Variants in SLC35F5 observed in about 807,000 individuals in gnomAD.
SLC35F5 encodes the protein solute carrier family 35 member F5.
SLC35F5 carries 54 observed loss-of-function variants against 68.6 expected under a neutral mutation model. The ratio of observed to expected loss-of-function variants is 0.79; its 90% CI spans 0.63 to 0.99. The LOEUF is 0.99. Among genes scored for constraint, SLC35F5 ranks in the 50% least tolerant of loss-of-function variants. The pLI is 0.00. For synonymous variants in SLC35F5, 211 were observed against 205.2 expected (o/e 1.03, Z -0.24); for missense variants, 567 against 626.9 (o/e 0.90, Z 1.02).
In SLC35F5 at chr2:113,710,142, G is replaced by A. The variant is rs144302335; in HGVS notation, c.*5076C>T. On this transcript the variant is annotated 3_prime_UTR_variant, in exon 16 of 16. Coordinates refer to ENST00000245680, the MANE Select transcript of SLC35F5 (RefSeq NM_025181.5). ...TCTTCCAATAATGTGTATTCAACAA[G>A]GCCTTCAGGTGATGCTGATGCTGTC... 2.9e-3 allele frequency among the ~76,000 whole-genome samples: 439 copies of A among 152,242 alleles called. 5 individuals carry two copies. Among genetic ancestry groups the A allele is most frequent in the African/African-American group, 9.9e-3 (411 of 41,526 alleles).
At chr2:113,735,697 ATGT>A (rs58642878) in intron 8 of SLC35F5, 77 bp downstream of exon 8, 383 of 872,564 alleles carry the variant, frequency 4.4e-4, no homozygotes, top group African/African-American at 3.9e-3. Context: ...CAAGATAAAA[ATGT>A]TGTACATGTA....
rs74726979 is a variant in SLC35F5 at position 113,724,420 on chromosome 2, T to C, written c.1250+958A>G. 3.3e-5 allele frequency among the ~76,000 whole-genome samples: 5 copies of C among 152,338 alleles called. No homozygotes were observed. The East Asian group carries it at 9.6e-4, about 29-fold the overall frequency. On this transcript the variant is annotated intron_variant, in intron 12 of 15. Coordinates refer to ENST00000245680, the MANE Select transcript of SLC35F5 (RefSeq NM_025181.5). ...AAAAAATTAATGAGCAAATGGATTA[T>C]GATTTTAAAGAATTTTAGATCAGCA...
chr2:113,709,524 C>T lies in SLC35F5; in HGVS notation c.*5694G>A, dbSNP rs1182411672. On this transcript the variant is annotated 3_prime_UTR_variant, in exon 16 of 16. Coordinates refer to ENST00000245680, the MANE Select transcript of SLC35F5 (RefSeq NM_025181.5). The stretch of plus-strand genomic sequence containing the variant: ...GGTATTTCAATTAGAGTTTCTCATT[C>T]TCACAGTCTCAGGCAGGTTGCATTA... 6.6e-6 allele frequency among the ~76,000 whole-genome samples: 1 copy of T among 152,194 alleles called. No homozygotes were observed. Among genetic ancestry groups the T allele is most frequent in the African/African-American group, 2.4e-5 (1 of 41,442 alleles).
rs372557303 is a variant in SLC35F5, at chr2:113,710,769, CA to C, written c.*4448del. On this transcript the variant is annotated 3_prime_UTR_variant, in exon 16 of 16. Coordinates refer to ENST00000245680, the MANE Select transcript of SLC35F5 (RefSeq NM_025181.5). ...TGGGTGACAGAGTGAGACCCCATCT[CA>C]AAAAAAAAAAAAGAATTTCATCTCA... Among the ~76,000 whole-genome samples the C allele has an allele frequency of 0.12, 15,690 of 133,280 alleles. 865 individuals are homozygous for C. The highest frequency in any genetic ancestry group is 0.14 in the Non-Finnish European group (8,739 of 61,256). 87.4% of individuals were successfully genotyped at this position (133,280 alleles called of 152,430 possible). A position where few individuals can be genotyped will look rare whatever the true frequency, so the allele number is the denominator to read the frequency against.
rs1166265295 is a variant in SLC35F5 at position 113,709,297 on chromosome 2, CTT to C, written c.*5919_*5920del. Among the ~76,000 whole-genome samples, 1 of 152,222 alleles carries C rather than the reference CTT, an allele frequency of 6.6e-6. No homozygotes were observed. The highest frequency in any genetic ancestry group is 1.5e-5 in the Non-Finnish European group (1 of 68,052). On this transcript the variant is annotated 3_prime_UTR_variant, in exon 16 of 16. Transcript: ENST00000245680. ...ATGTGGTGTCACTGTTATTACCACT[CTT>C]TACAAAGCACTAAGCACACACAGGT...
chr2:113,725,058 T>A (rs1184566684), intron 12 of SLC35F5, among the ~76,000 whole-genome samples: 1 of 152,230 alleles, frequency 6.6e-6, no homozygotes, highest in Non-Finnish European at 1.5e-5. Context: ...TATGTTTGGA[T>A]ATCCATTAGA....
chr2:113,711,371 TA>T lies in SLC35F5; in HGVS notation c.*3846del, dbSNP rs1416281030. ...AATTTTGTAGGAAAACACTATTTTT[TA>T]AATGTAGTAACATTAAAATATTAAA... On this transcript the variant is annotated 3_prime_UTR_variant, in exon 16 of 16. Transcript: ENST00000245680. 6.6e-6 allele frequency among the ~76,000 whole-genome samples: 1 copy of T among 152,238 alleles called. No individual in the cohort carries two copies. The highest frequency in any genetic ancestry group is 2.4e-5 in the African/African-American group (1 of 41,466).
At chr2:113,723,519 G>A (rs904837699) in intron 12 of SLC35F5, among the ~76,000 whole-genome samples, 4 of 151,996 alleles carry the variant, frequency 2.6e-5, no homozygotes, top group East Asian at 1.9e-4. Context: ...AGTTATTACC[G>A]TTTTGTGATG....
At chr2:113,746,430 A>T in intron 4 of SLC35F5, 91 bp from the exon 5 acceptor site, 1 of 972,266 alleles carries the variant, frequency 1.0e-6, no homozygotes, top group Non-Finnish European at 1.6e-6. Context: ...AGAAGCAAAA[A>T]TCCAGAATCA....
intron 4 of SLC35F5, among the ~76,000 whole-genome samples, 160 bp from the exon 5 acceptor site, chr2:113,746,499 T>G (rs1370616625): frequency 6.6e-6 from 1 of 152,110 alleles, no homozygotes; most frequent in Non-Finnish European, 1.5e-5. Flanking sequence ...ATATTCACCA[T>G]TGTGAGGTAG....
In SLC35F5 at chr2:113,756,635, G is replaced by C. The variant is rs868098373; in HGVS notation, c.-226C>G. 2.3e-5 allele frequency: 29 copies of C among 1,234,128 alleles called. No homozygotes were observed. In the Middle Eastern group the frequency reaches 1.7e-3, roughly 74 times the overall value. 76.4% of individuals were successfully genotyped at this position (1,234,128 alleles called of 1,614,324 possible). On this transcript the variant is annotated 5_prime_UTR_variant, in exon 1 of 16. Coordinates refer to ENST00000245680, the MANE Select transcript of SLC35F5 (RefSeq NM_025181.5). ...CAGTCAGCTATGGCCGCGGAGGCCC[G>C]GAGATCTGCTCTGGCCCCGGCCCCG...
intron 11 of SLC35F5, 180 bp from the exon 12 acceptor site, chr2:113,725,717 A>G: frequency 6.1e-6 from 3 of 492,732 alleles, no homozygotes; most frequent in Non-Finnish European, 1.1e-5. Context: ...ATAGAAAAAA[A>G]AACTGTCTGA....
chr2:113,723,687 G>A (rs1357552554), intron 12 of SLC35F5, among the ~76,000 whole-genome samples: 1 of 151,950 alleles, frequency 6.6e-6, no homozygotes, highest in African/African-American at 2.4e-5. Flanking sequence ...TTTTGATTTG[G>A]CTTGGCATAA....
intron 15 of SLC35F5, 109 bp downstream of exon 15, chr2:113,717,644 G>A: frequency 1.5e-6 from 1 of 680,180 alleles, no homozygotes; most frequent in South Asian, 2.2e-5. Flanking sequence ...AGCCCCTTTA[G>A]CCTCTAAGGC....
At chr2:113,729,699 A>G (rs1019060949) in intron 10 of SLC35F5, among the ~76,000 whole-genome samples, 194 bp from the exon 11 acceptor site, 3 of 152,190 alleles carry the variant, frequency 2.0e-5, no homozygotes, top group African/African-American at 7.2e-5. Context: ...GTCTTCTAGG[A>G]GTACAGGAAG....
At chr2:113,724,105 G>GAAGTA (rs1425429403) in intron 12 of SLC35F5, among the ~76,000 whole-genome samples, 1 of 152,188 alleles carries the variant, frequency 6.6e-6, no homozygotes, top group African/African-American at 2.4e-5. Flanking sequence ...ATGAACAGAG[G>GAAGTA]CTGAACAACG....
At position 113,735,759 on chromosome 2, in the gene SLC35F5, T is replaced by C. The variant is rs1238448812; in HGVS notation, c.832+18A>G. On this transcript the variant is annotated intron_variant, in intron 8 of 15. Coordinates refer to ENST00000245680, the MANE Select transcript of SLC35F5 (RefSeq NM_025181.5). Reference sequence around the variant, plus strand: ...TACACTGATTTATAATGCAGATTTTTAAAGACAAATTTCTTACCGGAAGTT... The same window carrying C: ...TACACTGATTTATAATGCAGATTTTCAAAGACAAATTTCTTACCGGAAGTT... The C allele has an allele frequency of 6.5e-7, 1 of 1,544,494 alleles. No homozygotes were observed. The highest frequency in any genetic ancestry group is 1.2e-5 in the South Asian group (1 of 86,402).
downstream of SLC35F5, among the ~76,000 whole-genome samples, chr2:113,704,314 A>G (rs949547117): frequency 6.6e-6 from 1 of 152,190 alleles, no homozygotes; most frequent in Non-Finnish European, 1.5e-5. Flanking sequence ...GCTAGACACA[A>G]AGGTTCTCCA....
chr2:113,704,585 C>T (rs982180090), downstream of SLC35F5, among the ~76,000 whole-genome samples: 1 of 152,092 alleles, frequency 6.6e-6, no homozygotes, highest in Non-Finnish European at 1.5e-5. Flanking sequence ...AGAAATCGAG[C>T]GCAGCGCCGG....
Sources: allele counts gnomAD v4.1 joint callset (sites outside exome capture counted in the v4.1 genomes callset), GRCh38; gene constraint gnomAD v4.1.1; transcripts MANE v1.5; gene names NCBI Gene and HGNC (gene_info 2026-07-23, HGNC 2026-07-21).